Variants in ZNF347 observed in about 807,000 individuals in gnomAD.
ZNF347 encodes CTD-2620I22.7.
In ZNF347, 19 loss-of-function variants were observed where a neutral mutation model predicts 12.9. The observed-to-expected ratio is 1.47, with a 90% CI of 1.03 to 2.16. ZNF347 has a LOEUF of 2.16. ZNF347 is among the 30% of genes most tolerant of loss of function. The probability of loss-of-function intolerance (pLI) is 0.00; values close to 1 mark genes in which losing one functional copy is unlikely to be tolerated. For missense variants in ZNF347, 1,005 were observed against 990.6 expected, an observed-to-expected ratio of 1.01 and a Z score of -0.19; for synonymous variants, 328 against 340.6, an observed-to-expected ratio of 0.96 and a Z score of 0.41.
At position 53,158,065 on chromosome 19, in the gene ZNF347, G is replaced by T. The variant is rs534061102; in HGVS notation, c.-47+944C>A. 2.3e-4 allele frequency among the ~76,000 whole-genome samples: 35 copies of T among 152,140 alleles called. No individual in the cohort carries two copies. The South Asian group carries it at 6.8e-3, about 30-fold the overall frequency. On this transcript the variant is annotated intron_variant, in intron 1 of 4. Transcript: ENST00000334197. ...CCTTTCTCTACCTGCTAATCCCCTTGGTCCACACATTCACAGGAAGGTTTG... is the reference window on the plus strand; with the variant it reads ...CCTTTCTCTACCTGCTAATCCCCTTTGTCCACACATTCACAGGAAGGTTTG...
intron 2 of ZNF347, among the ~76,000 whole-genome samples, chr19:53,150,898 C>T (rs1196137086): frequency 6.6e-6 from 1 of 152,144 alleles, no homozygotes; most frequent in Non-Finnish European, 1.5e-5. Context: ...CACCACCACA[C>T]CCGGCTAATT....
intron 4 of ZNF347, among the ~76,000 whole-genome samples, chr19:53,142,881 T>C (rs1267811115): frequency 2.0e-5 from 3 of 152,182 alleles, no homozygotes; most frequent in African/African-American, 7.2e-5. Context: ...TAAGGGAATT[T>C]ACCATGATCA....
chr19:53,146,468 T>C (rs1215027474), intron 4 of ZNF347, among the ~76,000 whole-genome samples: 2 of 151,862 alleles, frequency 1.3e-5, no homozygotes, highest in African/African-American at 2.4e-5. Context: ...AGAGATGGGG[T>C]CTCTTTCTAT....
rs142905085 is a variant in ZNF347, at chr19:53,141,881, C to T, written c.947G>A (p.Arg316His). ...CTTACCACACTCATTACATTTGTAA[C>T]GTTTTTCGCCAGTATGGATCACCTG... ...THQVIHTGEKRYKCNECGKVF... is the reference protein window; with the variant it reads ...THQVIHTGEKHYKCNECGKVF... Residue 316 changes from arginine to histidine, a missense_variant, in exon 5 of 5, where the codon CGT (arginine) becomes CAT (histidine). Transcript: ENST00000334197. 1.0e-4 allele frequency: 161 copies of T among 1,613,244 alleles called. No homozygotes were observed. The highest frequency in any genetic ancestry group is 1.3e-4 in the Admixed American group (8 of 59,906).
At chr19:53,146,546 G>T (rs2090464557) in intron 4 of ZNF347, among the ~76,000 whole-genome samples, 1 of 152,132 alleles carries the variant, frequency 6.6e-6, no homozygotes, top group Non-Finnish European at 1.5e-5. Flanking sequence ...AAGTTCCTGG[G>T]ATTACAGGCA....
At chr19:53,148,658 T>C in intron 4 of ZNF347, 23 bp downstream of exon 4, 1 of 1,600,166 alleles carries the variant, frequency 6.2e-7, no homozygotes, top group Non-Finnish European at 8.5e-7. Context: ...AACGGCATTT[T>C]CTCTACCCAT....
chr19:53,141,687 C>G lies in ZNF347; in HGVS notation c.1141G>C (p.Ala381Pro). The change falls in exon 5 of 5, where the codon GCC becomes CCC. Residue 381 changes from alanine (A) to proline (P), a missense_variant. Ala to Pro is a conservative substitution (Grantham distance 27). Transcript: ENST00000334197. ...GCTAAGCTTGAACGAGCTCTAAAGG[C>G]TTTCCCACACTCATTACACTTGTAA... ...KPYKCNECGK[A>P]FRARSSLAIH... 1 of 1,614,044 alleles carries G rather than the reference C, an allele frequency of 6.2e-7. No individual in the cohort carries two copies. The highest frequency in any genetic ancestry group is 8.5e-7 in the Non-Finnish European group (1 of 1,179,998).
intron 1 of ZNF347, among the ~76,000 whole-genome samples, chr19:53,156,682 A>G (rs1162894531): frequency 6.6e-6 from 1 of 152,170 alleles, no homozygotes; most frequent in African/African-American, 2.4e-5. Context: ...AGCCGCCCTC[A>G]CAAATTAATA....
In ZNF347 at chr19:53,149,253, G is replaced by A. The variant is rs374232143; in HGVS notation, c.130C>T (p.Leu44=). Reference sequence around the variant, plus strand: ...AAGTCATCCTCACCCAGGGAGGCCAGGTTCCTATAATTCTCCAACATCACG... The same window carrying A: ...AAGTCATCCTCACCCAGGGAGGCCAAGTTCCTATAATTCTCCAACATCACG... ...RDVMLENYRN[L]ASLGISCFDL... The change falls in exon 3 of 5, where the codon CTG becomes TTG. Residue 44 remains leucine, a synonymous_variant. Transcript: ENST00000334197. 33 of 1,612,970 alleles carry A rather than the reference G, an allele frequency of 2.0e-5. 1 individual carries two copies. In the South Asian group the frequency reaches 3.4e-4, roughly 17 times the overall value.
Position 53,140,750 on chromosome 19 carries a change from G to A in ZNF347, c.2078C>T (p.Thr693Ile), listed in dbSNP as rs1313044021. 12 of 1,611,842 alleles carry A rather than the reference G, an allele frequency of 7.4e-6. No homozygotes were observed. In the Admixed American group the frequency reaches 8.4e-5, roughly 11 times the overall value. ...CNECGKAFSQ[T>I]SKLARHQRVH... Reference sequence around the variant, plus strand: ...TCTCTGATGCCTTGCAAGCTTTGATGTTTGACTAAAGGCTTTGCCACATTC... The same window carrying A: ...TCTCTGATGCCTTGCAAGCTTTGATATTTGACTAAAGGCTTTGCCACATTC... Residue 693 changes from threonine to isoleucine, a missense_variant, in exon 5 of 5, where the codon ACA (threonine) becomes ATA (isoleucine). Coordinates refer to ENST00000334197, the MANE Select transcript of ZNF347 (RefSeq NM_032584.3).
In ZNF347 at chr19:53,149,424, T is replaced by C. The variant is rs913743452; in HGVS notation, c.16-57A>G. 5.8e-5 allele frequency: 93 copies of C among 1,608,818 alleles called. No homozygotes were observed. The African/African-American group carries it at 1.1e-3, about 19-fold the overall frequency. ...ATAAGGAAAAGCTCCAATCTTCACA[T>C]AAAATGAGAAGACAGAATAGATTAA... On this transcript the variant is annotated intron_variant, in intron 2 of 4. Coordinates refer to ENST00000334197, the MANE Select transcript of ZNF347 (RefSeq NM_032584.3).
chr19:53,139,202 GTCTT>G lies in ZNF347; in HGVS notation c.*1102_*1105del, dbSNP rs1262280740. 6.6e-6 allele frequency: 1 copy of G among 152,126 alleles called. No homozygotes were observed. Among genetic ancestry groups the G allele is most frequent in the East Asian group, 1.9e-4 (1 of 5,188 alleles). The allele number at this position is 152,126 out of a possible 1,614,324, so 9.4% of individuals were successfully genotyped here. A position where few individuals can be genotyped will look rare whatever the true frequency, so the allele number is the denominator to read the frequency against. On this transcript the variant is annotated 3_prime_UTR_variant, in exon 5 of 5. Coordinates refer to ENST00000334197, the MANE Select transcript of ZNF347 (RefSeq NM_032584.3). ...GCCTTACTTCCCTAAAACCCATGGT[GTCTT>G]TCTCTCAGAAAAGCACCCTGAACAC...
rs779773465 is a variant in ZNF347, at chr19:53,142,062, T to C, written c.766A>G (p.Asn256Asp). ...TTAGATTTGTAAGGGCTTCCCCAAT[T>C]ATTTGCTTTTTGCCCCTGTGTGAGT... ...LLLTQGQKANNWGSPYKSNGC... is the reference protein window; with the variant it reads ...LLLTQGQKANDWGSPYKSNGC... The change falls in exon 5 of 5, where the codon AAT becomes GAT. Residue 256 changes from asparagine to aspartate, a missense_variant. Physicochemically the swap from Asn to Asp is conservative, Grantham distance 23 (BLOSUM62 1). Transcript: ENST00000334197. The C allele has an allele frequency of 2.5e-6, 4 of 1,613,400 alleles. No individual in the cohort carries two copies. The highest frequency in any genetic ancestry group is 3.4e-6 in the Non-Finnish European group (4 of 1,179,828).
chr19:53,150,394 A>G (rs1042759166), intron 2 of ZNF347, among the ~76,000 whole-genome samples: 12 of 152,176 alleles, frequency 7.9e-5, no homozygotes, highest in African/African-American at 2.9e-4. Context: ...TTTGGGCAGA[A>G]TGTTTCCTTA....
At chr19:53,149,394 G>C (rs778640173) in intron 2 of ZNF347, 27 bp from the exon 3 acceptor site, 1 of 1,612,466 alleles carries the variant, frequency 6.2e-7, no homozygotes, top group Non-Finnish European at 8.5e-7. Context: ...ATCCACCAGG[G>C]GGATATAAGG....
chr19:53,146,195 G>T (rs1012984893), intron 4 of ZNF347, among the ~76,000 whole-genome samples: 1 of 151,978 alleles, frequency 6.6e-6, no homozygotes, highest in African/African-American at 2.4e-5. Flanking sequence ...GGCCGGTCTT[G>T]AATTCCCAAC....
chr19:53,152,727 G>C (rs1039418741), intron 2 of ZNF347, among the ~76,000 whole-genome samples: 3 of 151,760 alleles, frequency 2.0e-5, no homozygotes, highest in Non-Finnish European at 2.9e-5. Context: ...TCAGGAGTTC[G>C]AGACCATCCT....
At chr19:53,152,778 A>C (rs1216078806) in intron 2 of ZNF347, among the ~76,000 whole-genome samples, 1 of 150,816 alleles carries the variant, frequency 6.6e-6, no homozygotes, top group Non-Finnish European at 1.5e-5. Flanking sequence ...AAAATACAAA[A>C]AATTAGCCGG....
At chr19:53,152,656 C>T (rs1421720746) in intron 2 of ZNF347, among the ~76,000 whole-genome samples, 3 of 151,854 alleles carry the variant, frequency 2.0e-5, no homozygotes, top group African/African-American at 4.8e-5. Flanking sequence ...ACAGGCCGGG[C>T]GCAGTGGCTC....
Sources: gnomAD v4.1 joint callset for allele counts (sites outside exome capture counted in the v4.1 genomes callset) on GRCh38, gnomAD v4.1.1 for gene constraint, MANE v1.5 for transcripts, NCBI Gene and HGNC (gene_info 2026-07-23, HGNC 2026-07-21) for gene names.